IRF9: variants seen among roughly 807,000 people sequenced by gnomAD.
The protein encoded by IRF9 is IFN-alpha-responsive transcription factor subunit.
Under a neutral mutation model 44.1 loss-of-function variants are expected in IRF9, and 13 were observed. The observed-to-expected ratio is 0.29, with a 90% CI of 0.19 to 0.47. The LOEUF (loss-of-function observed/expected upper bound fraction) is 0.47. IRF9 is among the 20% of genes least tolerant of loss of function. The probability of loss-of-function intolerance (pLI) is 1.00; values close to 1 mark genes in which losing one functional copy is unlikely to be tolerated. For missense variants in IRF9, 373 were observed against 496.1 expected (o/e 0.75, Z 2.36); for synonymous variants, 189 against 188.5 (o/e 1.00, Z -0.02).
At position 24,165,931 on chromosome 14, in the gene IRF9, G is replaced by C. The variant is rs780040956; in HGVS notation, c.1076G>C (p.Ser359Thr). Residue 359 changes from serine to threonine, a missense_variant, in exon 8 of 9, where the codon AGC (serine) becomes ACC (threonine). Coordinates refer to ENST00000396864, the MANE Select transcript of IRF9 (RefSeq NM_006084.5). ...LNFWEESHGSSHTPQNLITVK... is the reference protein window; with the variant it reads ...LNFWEESHGSTHTPQNLITVK... ...TTCTGGGAAGAGAGCCATGGCTCCA[G>C]CCATACTCCACAGAATCTTATCACA... is the stretch of plus-strand genomic sequence containing the variant. 6.2e-7 allele frequency: 1 copy of C among 1,614,154 alleles called. No homozygotes were observed. Among genetic ancestry groups the C allele is most frequent in the South Asian group, 1.1e-5 (1 of 91,084 alleles).
Position 24,164,870 on chromosome 14 carries a change from AC to A in IRF9, c.910del (p.Gln304ArgfsTer44). The A allele has an allele frequency of 6.2e-7, 1 of 1,611,586 alleles. No homozygotes were observed. On this transcript the variant is annotated frameshift_variant, in exon 7 of 9. Coordinates refer to ENST00000396864, the MANE Select transcript of IRF9 (RefSeq NM_006084.5). LOFTEE classifies it high-confidence loss of function. The surrounding 1 kb of genome is among the most constrained non-coding windows in gnomAD (Gnocchi z 5.2). The stretch of plus-strand genomic sequence containing the variant: ...GCCCCATCCCCATCTCCTGGAATGC[AC>A]CCCAGGCTCCACCTGGGCCAGGCCC... The part of the protein sequence containing the change: ...LCPIPISWNA[P>X]QAPPGPGPHL...
At chr14:24,161,843 C>A (rs1036562700) in intron 1 of IRF9, among the ~76,000 whole-genome samples, 39 of 152,222 alleles carry the variant, frequency 2.6e-4, no homozygotes, top group African/African-American at 9.4e-4. Flanking sequence ...AACAATACAT[C>A]TCTGAAAAGT....
chr14:24,165,926 C>T lies in IRF9; in HGVS notation c.1071C>T (p.Gly357=), dbSNP rs1158810277. 7 of 1,614,088 alleles carry T rather than the reference C, an allele frequency of 4.3e-6. No homozygotes were observed. Among genetic ancestry groups the T allele is most frequent in the Non-Finnish European group, 5.9e-6 (7 of 1,180,020 alleles). ...TGAATTTCTGGGAAGAGAGCCATGG[C>T]TCCAGCCATACTCCACAGAATCTTA... ...VTLNFWEESH[G]SSHTPQNLIT... The change falls in exon 8 of 9, where the codon GGC becomes GGT. Residue 357 remains glycine (G), a synonymous_variant. Transcript: ENST00000396864.
Position 24,162,297 on chromosome 14 carries a change from G to A in IRF9, c.153G>A (p.Arg51=), listed in dbSNP as rs762158020. The A allele has an allele frequency of 1.2e-6, 2 of 1,614,082 alleles. No individual in the cohort carries two copies. The highest frequency in any genetic ancestry group is 2.2e-5 in the East Asian group (1 of 44,888). Residue 51 remains arginine (R), a synonymous_variant, in exon 2 of 9, where the codon CGG becomes CGA. Coordinates refer to ENST00000396864, the MANE Select transcript of IRF9 (RefSeq NM_006084.5). ...AACATGCAGGCAAGCAGGACTTCCGGGAGGACCAGGATGCTGCCTTCTTCA... is the reference window on the plus strand; with the variant it reads ...AACATGCAGGCAAGCAGGACTTCCGAGAGGACCAGGATGCTGCCTTCTTCA... ...PWKHAGKQDF[R]EDQDAAFFKA... is the part of the protein sequence containing the mutation.
intron 2 of IRF9, 77 bp from the exon 3 acceptor site, chr14:24,162,889 C>T (rs2038477501): frequency 8.3e-7 from 1 of 1,208,596 alleles, no homozygotes; most frequent in African/African-American, 1.5e-5. Flanking sequence ...AGCTGCACGC[C>T]TGTAAAGCCA....
Position 24,163,383 on chromosome 14 carries a change from C to A in IRF9, c.370C>A (p.Pro124Thr), listed in dbSNP as rs759067809. The change falls in exon 4 of 9, where the codon CCA becomes ACA. Residue 124 changes from proline (P) to threonine (T), a missense_variant. Around this residue, in one of 2 missense-constraint regions of IRF9, gnomAD observed 227 missense variants for 255.3 expected, o/e 0.89. Transcript: ENST00000396864. ...GTCCCTCAACAATTCCACAGGCCAG[C>A]CAGGGACTCAGAAAGTACCATCAAA... ...LLPPGIVSGQ[P>T]GTQKVPSKRQ... The A allele has an allele frequency of 1.9e-6, 3 of 1,613,528 alleles. No individual in the cohort carries two copies. The Admixed American group carries it at 5.0e-5, about 27-fold the overall frequency.
In IRF9 at chr14:24,166,321, G is replaced by A. The variant is rs953762703; in HGVS notation, c.*125G>A. The A allele has an allele frequency of 1.4e-5, 12 of 870,032 alleles. No homozygotes were observed. The highest frequency in any genetic ancestry group is 2.1e-4 in the Middle Eastern group (1 of 4,692). The allele number at this position is 870,032 out of a possible 1,614,324, so 53.9% of individuals were successfully genotyped here. On this transcript the variant is annotated 3_prime_UTR_variant, in exon 9 of 9. Transcript: ENST00000396864. ...TTCTCAGTAGTTGTCCGTGATAATC[G>A]TGTCCTGAAAATCCTCGCACACACT... is the stretch of plus-strand genomic sequence containing the variant.
chr14:24,163,121 T>G lies in IRF9; in HGVS notation c.336T>G (p.Tyr112Ter). Residue 112 changes from tyrosine to a stop codon, truncating the protein, a stop_gained, in exon 3 of 9, where the codon TAT becomes TAG. Transcript: ENST00000396864. LOFTEE classifies it high-confidence loss of function. ...ATGTTGCTGAGCCCTACAAGGTGTA[T>G]CAGTTGCTGCCACCAGGAATCGTCT... ...RMDVAEPYKV[Y>*]QLLPPGIVSG... 6.2e-7 allele frequency: 1 copy of G among 1,614,058 alleles called. No homozygotes were observed. The highest frequency in any genetic ancestry group is 8.5e-7 in the Non-Finnish European group (1 of 1,179,978).
chr14:24,165,065 T>C (rs1392871035), intron 7 of IRF9, 110 bp downstream of exon 7: 12 of 970,446 alleles, frequency 1.2e-5, no homozygotes, highest in Non-Finnish European at 1.9e-5. Context: ...AGATCCTCCA[T>C]GTAGCCTATG....
intron 2 of IRF9, chr14:24,162,754 G>C: frequency 1.9e-6 from 1 of 532,046 alleles, no homozygotes; most frequent in East Asian, 3.2e-5. Flanking sequence ...AGTCGAGATC[G>C]CACCACTGCA....
chr14:24,163,305 C>T (rs2038482790), intron 3 of IRF9, 73 bp from the exon 4 acceptor site: 1 of 1,573,056 alleles, frequency 6.4e-7, no homozygotes, highest in Admixed American at 1.7e-5. Context: ...TCCTTCACTG[C>T]CTCAGACCTC....
In IRF9 at chr14:24,164,539, AG is replaced by A. The variant is rs1180695422; in HGVS notation, c.650-74del. ...TGGCTGGTGTGGGGAGGGGAGGTGGAGTTGTTCCCCTGGGGAGGGGCTGCTG... is the reference window on the plus strand; with the variant it reads ...TGGCTGGTGTGGGGAGGGGAGGTGGATTGTTCCCCTGGGGAGGGGCTGCTG... On this transcript the variant is annotated intron_variant, in intron 6 of 8. Coordinates refer to ENST00000396864, the MANE Select transcript of IRF9 (RefSeq NM_006084.5). The surrounding 1 kb of genome is among the most constrained non-coding windows in gnomAD (Gnocchi z 5.2). The A allele has an allele frequency of 7.2e-7, 1 of 1,384,102 alleles. No individual in the cohort carries two copies. Among genetic ancestry groups the A allele is most frequent in the East Asian group, 2.3e-5 (1 of 43,122 alleles). The allele number at this position is 1,384,102 out of a possible 1,614,324, so 85.7% of individuals were successfully genotyped here.
chr14:24,165,636 A>G, intron 7 of IRF9: 1 of 577,474 alleles, frequency 1.7e-6, no homozygotes, highest in Non-Finnish European at 3.1e-6. Context: ...GTGATCTGCT[A>G]CTTCTAAGCA....
chr14:24,161,618 C>T (rs1278116527), intron 1 of IRF9, among the ~76,000 whole-genome samples: 1 of 152,192 alleles, frequency 6.6e-6, no homozygotes, highest in Non-Finnish European at 1.5e-5. Flanking sequence ...TGCCATCTGG[C>T]CCTGCCCACT....
At chr14:24,165,146 G>A in intron 7 of IRF9, 191 bp downstream of exon 7, 1 of 713,612 alleles carries the variant, frequency 1.4e-6, no homozygotes, top group Non-Finnish European at 2.5e-6. Context: ...CTACCTGGCA[G>A]CTCTCCTCCA....
Position 24,162,294 on chromosome 14 carries a change from C to T in IRF9, c.150C>T (p.Phe50=), listed in dbSNP as rs1327173503. ...IPWKHAGKQD[F]REDQDAAFFK... ...GGAAACATGCAGGCAAGCAGGACTT[C>T]CGGGAGGACCAGGATGCTGCCTTCT... The change falls in exon 2 of 9, where the codon TTC becomes TTT. Residue 50 remains phenylalanine (F), a synonymous_variant. Transcript: ENST00000396864. 6.8e-6 allele frequency: 11 copies of T among 1,613,952 alleles called. No homozygotes were observed. Among genetic ancestry groups the T allele is most frequent in the Non-Finnish European group, 8.5e-6 (10 of 1,179,976 alleles).
chr14:24,162,797 C>CAAA (rs373571727), intron 2 of IRF9, 169 bp from the exon 3 acceptor site: 62 of 449,342 alleles, frequency 1.4e-4, no homozygotes, highest in South Asian at 2.1e-4. Flanking sequence ...GACTCTGTCT[C>CAAA]AAAAAAAAAA....
chr14:24,162,728 A>G, intron 2 of IRF9: 4 of 491,058 alleles, frequency 8.1e-6, no homozygotes, highest in Non-Finnish European at 3.6e-6. Flanking sequence ...TGAACCAGGG[A>G]GGTGGAGTTG....
intron 2 of IRF9, 95 bp downstream of exon 2, chr14:24,162,419 C>T: frequency 8.1e-7 from 1 of 1,230,538 alleles, no homozygotes; most frequent in Non-Finnish European, 1.1e-6. Context: ...GCCTGGGTTT[C>T]AGATAAGGGA....
Sources: allele counts gnomAD v4.1 joint callset (sites outside exome capture counted in the v4.1 genomes callset), GRCh38; gene constraint gnomAD v4.1.1; regional missense constraint gnomAD v4.1.1; non-coding constraint Gnocchi (gnomAD v3.1); transcripts MANE v1.5; gene names NCBI Gene and HGNC (gene_info 2026-07-23, HGNC 2026-07-21).